Variants in NBAS observed in about 807,000 individuals in gnomAD.
The protein encoded by NBAS is NAG/BC035112 fusion.
NBAS carries 219 observed loss-of-function variants against 302.5 expected under a neutral mutation model. The ratio of observed to expected loss-of-function variants is 0.72; its 90% CI spans 0.65 to 0.81. The LOEUF (loss-of-function observed/expected upper bound fraction) is 0.81. Ranked by LOEUF, NBAS falls within the 30% of genes least tolerant of loss-of-function variation. The pLI is 0.00. For missense variants in NBAS, 2,932 were observed against 2,841.6 expected (o/e 1.03, Z -0.72); for synonymous variants, 1,118 against 1,021.6 (o/e 1.09, Z -1.80).
At chr2:15,097,955 AAT>A in the NBAS span, among the ~76,000 whole-genome samples, 120 of 60,962 alleles carry the variant, frequency 2.0e-3, 2 homozygotes, top group African/African-American at 7.0e-3. Context: ...TATTGTATAT[AAT>A]ATATATATTA....
At chr2:15,492,955 T>G (rs1026610547) in intron 11 of NBAS, among the ~76,000 whole-genome samples, 1 of 152,166 alleles carries the variant, frequency 6.6e-6, no homozygotes, top group Non-Finnish European at 1.5e-5. Flanking sequence ...TGGCTCTATA[T>G]CCCCACCCAA....
chr2:15,526,006 CACAG>C (rs1662896321), intron 9 of NBAS, among the ~76,000 whole-genome samples: 3 of 151,988 alleles, frequency 2.0e-5, no homozygotes, highest in Non-Finnish European at 2.9e-5. Context: ...CACCAGCAAG[CACAG>C]TACCCACCGT....
the NBAS span, among the ~76,000 whole-genome samples, chr2:14,813,398 G>A: frequency 6.6e-6 from 1 of 152,180 alleles, no homozygotes; most frequent in Admixed American, 6.5e-5. Context: ...GTCTCAGATG[G>A]AGATGAGGAA....
At chr2:14,889,319 G>A in the NBAS span, among the ~76,000 whole-genome samples, 11 of 152,266 alleles carry the variant, frequency 7.2e-5, no homozygotes, top group South Asian at 1.9e-3. Flanking sequence ...TTAGACTGAC[G>A]TAATGCCATC....
At chr2:15,340,862 G>A (rs932033169) in intron 35 of NBAS, among the ~76,000 whole-genome samples, 1 of 152,098 alleles carries the variant, frequency 6.6e-6, no homozygotes, top group Non-Finnish European at 1.5e-5. Context: ...ACTGAGATTT[G>A]ACCCACGAAC....
chr2:14,952,206 C>A, the NBAS span, among the ~76,000 whole-genome samples: 11 of 152,118 alleles, frequency 7.2e-5, no homozygotes, highest in Non-Finnish European at 1.5e-4. Context: ...CCACAGAATC[C>A]CTGCATGGAA....
chr2:15,489,383 T>G (rs1680763023), intron 11 of NBAS, among the ~76,000 whole-genome samples: 1 of 152,164 alleles, frequency 6.6e-6, no homozygotes, highest in Non-Finnish European at 1.5e-5. Context: ...TTCCTTAAAA[T>G]TTGGGCCCAG....
chr2:15,175,254 C>G (rs189323818), intron 51 of NBAS, among the ~76,000 whole-genome samples: 2 of 152,198 alleles, frequency 1.3e-5, no homozygotes, highest in Non-Finnish European at 2.9e-5. Flanking sequence ...TGTGAGCCAC[C>G]GTGCCCGGCC....
the NBAS span, among the ~76,000 whole-genome samples, chr2:14,837,463 T>G: frequency 2.0e-5 from 3 of 151,702 alleles, no homozygotes; most frequent in Non-Finnish European, 4.4e-5. Context: ...AGAATGCTGT[T>G]TCTCCTTTTT....
the NBAS span, among the ~76,000 whole-genome samples, chr2:15,032,468 G>A: frequency 1.3e-5 from 2 of 152,336 alleles, no homozygotes; most frequent in East Asian, 3.9e-4. Flanking sequence ...ACTTGTGAGT[G>A]ATGAAATTAG....
intron 32 of NBAS, among the ~76,000 whole-genome samples, chr2:15,357,279 CA>C (rs1572711624): frequency 1.3e-5 from 2 of 152,230 alleles, no homozygotes; most frequent in East Asian, 3.8e-4. Context: ...AGACTACCCA[CA>C]TTAACTAATC....
At chr2:15,130,163 G>T in the NBAS span, among the ~76,000 whole-genome samples, 228 of 152,250 alleles carry the variant, frequency 1.5e-3, 1 homozygote, top group African/African-American at 4.7e-3. Flanking sequence ...GCCTTTTGTA[G>T]CTGTCTTCTT....
At chr2:15,320,023 G>A (rs1169980059) in intron 38 of NBAS, among the ~76,000 whole-genome samples, 2 of 152,088 alleles carry the variant, frequency 1.3e-5, no homozygotes, top group Non-Finnish European at 2.9e-5. Flanking sequence ...ACCAAATCCA[G>A]CAGCACATCA....
At chr2:14,782,872 C>T in the NBAS span, among the ~76,000 whole-genome samples, 1 of 152,052 alleles carries the variant, frequency 6.6e-6, no homozygotes, top group Non-Finnish European at 1.5e-5. Context: ...AACCAAATAC[C>T]ACATGTTTTC....
chr2:15,118,443 G>T, the NBAS span, among the ~76,000 whole-genome samples: 30 of 152,254 alleles, frequency 2.0e-4, no homozygotes, highest in African/African-American at 6.5e-4. Flanking sequence ...CCATATTCGC[G>T]CCCTTGTTTA....
intron 41 of NBAS, among the ~76,000 whole-genome samples, chr2:15,288,524 G>A (rs1225896488): frequency 6.6e-6 from 1 of 152,154 alleles, no homozygotes; most frequent in African/African-American, 2.4e-5. Context: ...GGGGACCTGC[G>A]TCTCATTCTC....
chr2:14,983,560 A>G, the NBAS span, among the ~76,000 whole-genome samples: 3 of 152,184 alleles, frequency 2.0e-5, no homozygotes, highest in African/African-American at 7.2e-5. Flanking sequence ...TAAGTCCCCA[A>G]CCCACTACCC....
chr2:14,906,896 G>A, the NBAS span, among the ~76,000 whole-genome samples: 3 of 152,100 alleles, frequency 2.0e-5, no homozygotes, highest in Non-Finnish European at 4.4e-5. Context: ...TAAGTTTGGC[G>A]TATTTCCTCT....
the NBAS span, among the ~76,000 whole-genome samples, chr2:15,099,542 G>A: frequency 6.6e-6 from 1 of 151,846 alleles, no homozygotes; most frequent in East Asian, 1.9e-4. Flanking sequence ...TGCCAAGAGA[G>A]GAAAATACAA....
Sources: allele counts gnomAD v4.1 joint callset (sites outside exome capture counted in the v4.1 genomes callset), GRCh38; gene constraint gnomAD v4.1.1; transcripts MANE v1.5; gene names NCBI Gene and HGNC (gene_info 2026-07-23, HGNC 2026-07-21).